Variants in NTM observed in about 807,000 individuals in gnomAD.
NTM encodes neurotrimin, also known as IgLON family member 2.
A neutral mutation model predicts 42.1 loss-of-function variants in NTM; 13 were observed. That is an observed-to-expected ratio of 0.31 (90% CI 0.20 to 0.49). The LOEUF (loss-of-function observed/expected upper bound fraction) is 0.49. Ranked by LOEUF, NTM falls within the 20% of genes least tolerant of loss-of-function variation. NTM has a pLI of 0.99. For synonymous variants in NTM, 187 were observed against 179.2 expected, an observed-to-expected ratio of 1.04 and a Z score of -0.35; for missense variants, 373 against 452.8, an observed-to-expected ratio of 0.82 and a Z score of 1.60.
rs2046792480 is a variant in NTM at position 131,501,263 on chromosome 11, A to G, written c.82+130375A>G. On this transcript the variant is annotated intron_variant, in intron 1 of 8. Transcript: ENST00000683400. The stretch of plus-strand genomic sequence containing the variant: ...GAGTGGTGAGTGTTGTGAAGAATGT[A>G]AAGGCAGGAGGGGCAGCCTGGGGGC... 2.0e-5 allele frequency among the ~76,000 whole-genome samples: 3 copies of G among 152,164 alleles called. No homozygotes were observed. In the South Asian group the frequency reaches 6.2e-4, roughly 32 times the overall value.
intron 4 of NTM, among the ~76,000 whole-genome samples, chr11:132,266,382 G>T (rs140964697): frequency 6.6e-6 from 1 of 152,288 alleles, no homozygotes; most frequent in South Asian, 2.1e-4. Flanking sequence ...CCTAGTAGTG[G>T]CATCTGAGGC....
intron 1 of NTM, among the ~76,000 whole-genome samples, chr11:131,820,328 C>G (rs1250280362): frequency 6.6e-6 from 1 of 152,158 alleles, no homozygotes; most frequent in Non-Finnish European, 1.5e-5. Context: ...AGCAGGAGTC[C>G]TCCAAGATTC....
chr11:132,188,388 T>G (rs903645771), intron 3 of NTM, among the ~76,000 whole-genome samples: 3 of 152,166 alleles, frequency 2.0e-5, no homozygotes, highest in Non-Finnish European at 4.4e-5. Context: ...AAGGCTTGCT[T>G]TTGAATGCTG....
At position 131,514,801 on chromosome 11, in the gene NTM, T is replaced by A. The variant is rs533959530; in HGVS notation, c.82+143913T>A. On this transcript the variant is annotated intron_variant, in intron 1 of 8. Coordinates refer to ENST00000683400, the MANE Select transcript of NTM (RefSeq NM_001352005.2). ...AGGTGGGGTTTCTCTATGTTACCCATGCTGGTATTGAACTCCTAAGGCTCA... is the reference window on the plus strand; with the variant it reads ...AGGTGGGGTTTCTCTATGTTACCCAAGCTGGTATTGAACTCCTAAGGCTCA... Among the ~76,000 whole-genome samples, 6 of 152,216 alleles carry A rather than the reference T, an allele frequency of 3.9e-5. No individual in the cohort carries two copies. In the East Asian group the frequency reaches 9.7e-4, roughly 25 times the overall value.
intron 1 of NTM, among the ~76,000 whole-genome samples, chr11:131,499,403 C>A (rs1252457244): frequency 6.6e-6 from 1 of 152,142 alleles, no homozygotes; most frequent in Non-Finnish European, 1.5e-5. Context: ...ACATCCGCCC[C>A]CCACTCCCCG....
At chr11:132,159,226 G>A (rs563877403) in intron 3 of NTM, among the ~76,000 whole-genome samples, 3 of 152,248 alleles carry the variant, frequency 2.0e-5, no homozygotes, top group Non-Finnish European at 2.9e-5. Context: ...TAGAGCAGCC[G>A]ATCCATGGCC....
intron 2 of NTM, among the ~76,000 whole-genome samples, chr11:131,935,516 A>C (rs753031763): frequency 1.5e-4 from 22 of 151,484 alleles, no homozygotes; most frequent in Non-Finnish European, 2.5e-4. Context: ...TTATGTTGGA[A>C]TTGGAGGGTT....
chr11:132,062,781 T>C (rs1487182571), intron 2 of NTM, among the ~76,000 whole-genome samples: 1 of 152,176 alleles, frequency 6.6e-6, no homozygotes, highest in African/African-American at 2.4e-5. Context: ...ACTTGAAATG[T>C]GTGGTCTTTG....
intron 1 of NTM, among the ~76,000 whole-genome samples, chr11:131,494,805 G>C (rs1371628115): frequency 6.6e-6 from 1 of 152,188 alleles, no homozygotes; most frequent in Non-Finnish European, 1.5e-5. Flanking sequence ...CATTCATTCT[G>C]GGGTTTATGT....
At chr11:131,718,552 C>T (rs951070677) in intron 1 of NTM, among the ~76,000 whole-genome samples, 3 of 152,138 alleles carry the variant, frequency 2.0e-5, no homozygotes, top group African/African-American at 7.2e-5. Context: ...CATCCCTGGC[C>T]CCGTGTGAGT....
chr11:131,659,246 C>T (rs1371920632), intron 1 of NTM, among the ~76,000 whole-genome samples: 1 of 152,222 alleles, frequency 6.6e-6, no homozygotes, highest in Admixed American at 6.5e-5. Flanking sequence ...AACAGAGGTA[C>T]TGACACCACA....
chr11:131,736,448 G>A lies in NTM; in HGVS notation c.83-175116G>A, dbSNP rs77295544. Among the ~76,000 whole-genome samples the A allele has an allele frequency of 1.2e-3, 187 of 152,288 alleles. 1 individual carries two copies. The highest frequency in any genetic ancestry group is 4.4e-3 in the African/African-American group (181 of 41,554). On this transcript the variant is annotated intron_variant, in intron 1 of 8. Coordinates refer to ENST00000683400, the MANE Select transcript of NTM (RefSeq NM_001352005.2). ...CCTCTAAAAACCACATTATCTGTCT[G>A]AGGTCCAAACTCTTCTCCACTTACA...
intron 1 of NTM, among the ~76,000 whole-genome samples, chr11:131,873,587 C>A (rs567833633): frequency 3.7e-5 from 1 of 26,816 alleles, no homozygotes; most frequent in Non-Finnish European, 9.7e-5. Context: ...ATATATATAC[C>A]GTATATATAT....
intron 1 of NTM, among the ~76,000 whole-genome samples, chr11:131,475,581 G>A (rs1477268879): frequency 6.6e-6 from 1 of 152,104 alleles, no homozygotes; most frequent in African/African-American, 2.4e-5. Context: ...GGTAAATCAT[G>A]TGGGATGATC....
chr11:131,670,362 TCTTCCTTC>T (rs1365941574), intron 1 of NTM, among the ~76,000 whole-genome samples: 1 of 151,858 alleles, frequency 6.6e-6, no homozygotes, highest in Admixed American at 6.6e-5. Flanking sequence ...TCTCTTACTT[TCTTCCTTC>T]CTTCCTTCCT....
At chr11:131,504,372 C>G (rs1170215228) in intron 1 of NTM, among the ~76,000 whole-genome samples, 1 of 152,162 alleles carries the variant, frequency 6.6e-6, no homozygotes, top group African/African-American at 2.4e-5. Context: ...TCTCGGCTGC[C>G]CCCACCTGCC....
chr11:131,954,841 C>T (rs920133673), intron 2 of NTM, among the ~76,000 whole-genome samples: 2 of 152,252 alleles, frequency 1.3e-5, no homozygotes, highest in East Asian at 1.9e-4. Context: ...TTGTTACCTA[C>T]TCATATAACT....
At chr11:132,151,210 T>G (rs1209303488) in intron 3 of NTM, among the ~76,000 whole-genome samples, 2 of 152,238 alleles carry the variant, frequency 1.3e-5, no homozygotes, top group African/African-American at 4.8e-5. Context: ...CCATTGTTCC[T>G]TTGGACAAGG....
chr11:132,077,872 A>G (rs940992306), intron 2 of NTM, among the ~76,000 whole-genome samples: 7 of 152,194 alleles, frequency 4.6e-5, no homozygotes, highest in Admixed American at 3.9e-4. Context: ...AAGGGCTGGG[A>G]TTACAGTTTT....
Sources: gnomAD v4.1 joint callset for allele counts (sites outside exome capture counted in the v4.1 genomes callset) on GRCh38, gnomAD v4.1.1 for gene constraint, MANE v1.5 for transcripts, NCBI Gene and HGNC (gene_info 2026-07-23, HGNC 2026-07-21) for gene names.